Variants in UVRAG observed in about 807,000 individuals in gnomAD.
UVRAG encodes UV radiation resistance-associated gene protein.
A neutral mutation model predicts 78.0 loss-of-function variants in UVRAG; 19 were observed. The observed-to-expected ratio is 0.24, with a 90% CI of 0.17 to 0.36. The LOEUF (loss-of-function observed/expected upper bound fraction) is 0.36. UVRAG is among the 10% of genes least tolerant of loss of function. UVRAG has a pLI of 1.00. For missense variants in UVRAG, 740 were observed against 853.8 expected (o/e 0.87, Z 1.66); for synonymous variants, 323 against 324.6 (o/e 1.00, Z 0.05).
chr11:76,019,969 C>G (rs920815758), intron 12 of UVRAG, among the ~76,000 whole-genome samples: 1 of 152,196 alleles, frequency 6.6e-6, no homozygotes, highest in Non-Finnish European at 1.5e-5. Flanking sequence ...GTTTAGGAGG[C>G]AAAGACTGGA....
At chr11:76,059,192 A>G (rs920770916) in intron 12 of UVRAG, among the ~76,000 whole-genome samples, 3 of 152,224 alleles carry the variant, frequency 2.0e-5, no homozygotes, top group Non-Finnish European at 2.9e-5. Context: ...TCCTCACAAG[A>G]TACTTGTGAA....
chr11:75,961,650 ATCT>A (rs1948913667), intron 7 of UVRAG, 101 bp downstream of exon 7: 1 of 832,360 alleles, frequency 1.2e-6, no homozygotes, highest in Non-Finnish European at 1.8e-6. Flanking sequence ...GATCGTTTTT[ATCT>A]TCTTAATTGT....
chr11:76,124,124 A>G (rs73001590), intron 14 of UVRAG, among the ~76,000 whole-genome samples: 103 of 152,346 alleles, frequency 6.8e-4, no homozygotes, highest in Non-Finnish European at 1.2e-3. Context: ...TTTCCCAAGC[A>G]TAGTTTTTGT....
Position 75,938,859 on chromosome 11 carries a change from T to C in UVRAG, c.594-22585T>C, listed in dbSNP as rs531304508. ...TTCTGTCTTCTTCAGTACTGTGCCC[T>C]GAGAACTCTCGCACTCATGGCTTCC... On this transcript the variant is annotated intron_variant, in intron 6 of 14. Transcript: ENST00000356136. Among the ~76,000 whole-genome samples, 8 of 152,338 alleles carry C rather than the reference T, an allele frequency of 5.3e-5. No homozygotes were observed. In the East Asian group the frequency reaches 1.5e-3, roughly 29 times the overall value.
At chr11:75,977,669 T>G (rs976753935) in intron 7 of UVRAG, among the ~76,000 whole-genome samples, 2 of 152,184 alleles carry the variant, frequency 1.3e-5, no homozygotes, top group African/African-American at 2.4e-5. Context: ...TTAAAGTCTG[T>G]TTTATCAGAG....
At chr11:76,012,471 G>A (rs893621049) in intron 11 of UVRAG, among the ~76,000 whole-genome samples, 4 of 151,988 alleles carry the variant, frequency 2.6e-5, no homozygotes, top group East Asian at 3.9e-4. Context: ...TTTCTTCCTC[G>A]CTTTGAATAA....
At chr11:76,127,634 CAAA>C (rs36010618) in intron 14 of UVRAG, among the ~76,000 whole-genome samples, 2 of 82,904 alleles carry the variant, frequency 2.4e-5, no homozygotes. Context: ...AACTCCGTCT[CAAA>C]AAAAAAAAAA....
At chr11:75,992,380 G>GAAC (rs1949624803) in intron 8 of UVRAG, among the ~76,000 whole-genome samples, 1 of 152,162 alleles carries the variant, frequency 6.6e-6, no homozygotes. Context: ...GTTTGTACTT[G>GAAC]AAGTGCCATT....
At chr11:75,957,591 C>T (rs7115657) in intron 6 of UVRAG, among the ~76,000 whole-genome samples, 8,320 of 151,930 alleles carry the variant, frequency 0.055, 283 homozygotes, top group African/African-American at 0.098. Flanking sequence ...CCTTTGGGAC[C>T]GTGATTAGGA....
chr11:75,873,444 G>A (rs1356084407), intron 3 of UVRAG, among the ~76,000 whole-genome samples: 3 of 151,994 alleles, frequency 2.0e-5, no homozygotes, highest in Non-Finnish European at 2.9e-5. Flanking sequence ...CCTCGCAGTC[G>A]GTGGCAGGCA....
At chr11:75,965,636 G>A (rs1949006585) in intron 7 of UVRAG, among the ~76,000 whole-genome samples, 1 of 152,184 alleles carries the variant, frequency 6.6e-6, no homozygotes, top group South Asian at 2.1e-4. Flanking sequence ...TCTTTTGTTA[G>A]AGTTATTCTG....
At chr11:75,965,351 G>A (rs545099144) in intron 7 of UVRAG, among the ~76,000 whole-genome samples, 4 of 151,810 alleles carry the variant, frequency 2.6e-5, no homozygotes, top group Non-Finnish European at 4.4e-5. Context: ...TCGCTCTGTC[G>A]CCCAGGCTAG....
rs536547762 is a variant in UVRAG at position 76,143,354 on chromosome 11, G to A, written c.*1941G>A. Among the ~76,000 whole-genome samples the A allele has an allele frequency of 1.3e-5, 2 of 152,332 alleles. No homozygotes were observed. Among genetic ancestry groups the A allele is most frequent in the East Asian group, 1.9e-4 (1 of 5,184 alleles). On this transcript the variant is annotated 3_prime_UTR_variant, in exon 15 of 15. Coordinates refer to ENST00000356136, the MANE Select transcript of UVRAG (RefSeq NM_003369.4). Reference sequence around the variant, plus strand: ...CTGGCGCTGGCACCACCAAGGAGCAGGACTCCTCATGATTACAGTGTCCAT... The same window carrying A: ...CTGGCGCTGGCACCACCAAGGAGCAAGACTCCTCATGATTACAGTGTCCAT...
rs139980959 is a variant in UVRAG at position 76,110,310 on chromosome 11, T to C, written c.1306-5614T>C. Among the ~76,000 whole-genome samples the C allele has an allele frequency of 5.2e-3, 794 of 152,010 alleles. 3 individuals are homozygous for C. The highest frequency in any genetic ancestry group is 7.8e-3 in the Admixed American group (119 of 15,262). ...ATTATTTTGGATAGTCTATATACTTTATCTTATTTAAACTTTACAACAGCT... is the reference window on the plus strand; with the variant it reads ...ATTATTTTGGATAGTCTATATACTTCATCTTATTTAAACTTTACAACAGCT... On this transcript the variant is annotated intron_variant, in intron 13 of 14. Transcript: ENST00000356136.
intron 1 of UVRAG, among the ~76,000 whole-genome samples, chr11:75,826,021 G>C (rs1007636974): frequency 2.0e-5 from 3 of 152,018 alleles, no homozygotes; most frequent in Admixed American, 6.6e-5. Context: ...AATTTTAGTA[G>C]AGATGGGGTT....
chr11:75,870,766 T>C (rs1249181990), intron 3 of UVRAG, among the ~76,000 whole-genome samples: 1 of 152,214 alleles, frequency 6.6e-6, no homozygotes, highest in East Asian at 1.9e-4. Flanking sequence ...TTACTTTTTA[T>C]TGAGATATTG....
intron 14 of UVRAG, among the ~76,000 whole-genome samples, chr11:76,136,509 CTTT>C (rs200388478): frequency 9.6e-5 from 13 of 136,058 alleles, no homozygotes; most frequent in African/African-American, 1.1e-4. Context: ...TTCTTGTTTC[CTTT>C]TTTTTTTTTT....
intron 12 of UVRAG, among the ~76,000 whole-genome samples, chr11:76,051,079 TA>T (rs1950856810): frequency 6.6e-6 from 1 of 152,202 alleles, no homozygotes; most frequent in Non-Finnish European, 1.5e-5. Context: ...AATATAGAAT[TA>T]GGTGTCCTGA....
intron 5 of UVRAG, among the ~76,000 whole-genome samples, chr11:75,903,540 G>A (rs1304118544): frequency 6.6e-6 from 1 of 152,156 alleles, no homozygotes; most frequent in Non-Finnish European, 1.5e-5. Context: ...GGCTAAAGGT[G>A]TTCAGTCTGT....
Sources: gnomAD v4.1 joint callset for allele counts (sites outside exome capture counted in the v4.1 genomes callset) on GRCh38, gnomAD v4.1.1 for gene constraint, MANE v1.5 for transcripts, NCBI Gene and HGNC (gene_info 2026-07-23, HGNC 2026-07-21) for gene names.